BAIAP2: variants seen among roughly 807,000 people sequenced by gnomAD.
BAIAP2 encodes the protein BAR/IMD domain-containing adapter protein 2.
In BAIAP2, 18 loss-of-function variants were observed where a neutral mutation model predicts 63.0. That is an observed-to-expected ratio of 0.29 (90% CI 0.20 to 0.42). BAIAP2 has a LOEUF of 0.42. BAIAP2 is among the 10% of genes least tolerant of loss of function. The pLI is 1.00. For missense variants in BAIAP2, 610 were observed against 734.3 expected (o/e 0.83, Z 1.96); for synonymous variants, 386 against 307.6 (o/e 1.25, Z -2.67).
intron 3 of BAIAP2, among the ~76,000 whole-genome samples, chr17:81,071,380 C>G (rs1158715754): frequency 6.6e-6 from 1 of 152,180 alleles, no homozygotes; most frequent in African/African-American, 2.4e-5. Flanking sequence ...TGTTCGAGCC[C>G]TGCCCAGGTG....
At chr17:81,069,147 A>T (rs768812626) in intron 3 of BAIAP2, among the ~76,000 whole-genome samples, 1 of 152,210 alleles carries the variant, frequency 6.6e-6, no homozygotes, top group South Asian at 2.1e-4. Flanking sequence ...AACTTCTGGT[A>T]GCTCCGAATG....
intron 6 of BAIAP2, among the ~76,000 whole-genome samples, chr17:81,088,746 T>TG (rs2056176273): frequency 6.6e-6 from 1 of 152,228 alleles, no homozygotes; most frequent in Non-Finnish European, 1.5e-5. Context: ...TGTTCCATCG[T>TG]GTGGGTACCG....
chr17:81,077,622 A>T (rs538585312), intron 3 of BAIAP2, among the ~76,000 whole-genome samples: 16 of 151,934 alleles, frequency 1.1e-4, no homozygotes, highest in African/African-American at 3.9e-4. Context: ...TCTCAATTTT[A>T]AAAAAAGAGC....
At chr17:81,073,516 CT>C (rs1166066138) in intron 3 of BAIAP2, among the ~76,000 whole-genome samples, 1 of 152,182 alleles carries the variant, frequency 6.6e-6, no homozygotes, top group Non-Finnish European at 1.5e-5. Context: ...GCTGTTTATG[CT>C]CCATTTGGGA....
chr17:81,108,396 G>A, intron 12 of BAIAP2, 79 bp from the exon 13 acceptor site: 2 of 1,493,740 alleles, frequency 1.3e-6, no homozygotes, highest in Non-Finnish European at 1.9e-6. Context: ...ATCACCATTT[G>A]TGGGTGTGTA....
intron 5 of BAIAP2, among the ~76,000 whole-genome samples, chr17:81,086,128 A>C (rs1394469339): frequency 9.8e-6 from 1 of 101,778 alleles, no homozygotes; most frequent in South Asian, 3.6e-4. Context: ...TGAGGGTTTG[A>C]GGGTCACCTC....
chr17:81,102,949 C>T (rs1023241459), intron 7 of BAIAP2, among the ~76,000 whole-genome samples: 6 of 152,240 alleles, frequency 3.9e-5, no homozygotes, highest in Non-Finnish European at 7.3e-5. Flanking sequence ...GTGGCTTCCT[C>T]CTCCTTTGTC....
chr17:81,069,338 A>C (rs1197212011), intron 3 of BAIAP2, among the ~76,000 whole-genome samples: 1 of 152,202 alleles, frequency 6.6e-6, no homozygotes, highest in Non-Finnish European at 1.5e-5. Context: ...GCGGGCACAG[A>C]TAGTCCTGGA....
intron 1 of BAIAP2, among the ~76,000 whole-genome samples, chr17:81,037,536 G>A (rs2046445765): frequency 6.6e-6 from 1 of 152,266 alleles, no homozygotes; most frequent in Non-Finnish European, 1.5e-5. Flanking sequence ...CCCACATGGA[G>A]ACATAGTCAG....
At chr17:81,078,666 G>A (rs1003979810) in intron 3 of BAIAP2, among the ~76,000 whole-genome samples, 11 of 151,858 alleles carry the variant, frequency 7.2e-5, no homozygotes, top group African/African-American at 2.7e-4. Context: ...CTGTGGGTGC[G>A]GGTGCTGTCT....
intron 2 of BAIAP2, among the ~76,000 whole-genome samples, chr17:81,055,915 C>G (rs1038787044): frequency 6.6e-5 from 10 of 152,064 alleles, no homozygotes; most frequent in African/African-American, 2.4e-4. Context: ...TGGCAGTGAC[C>G]CCCGTCCCCC....
rs1452581518 is a variant in BAIAP2, at chr17:81,110,557, T to G, written c.1535+2048T>G. 4.3e-6 allele frequency: 5 copies of G among 1,153,496 alleles called. No individual in the cohort carries two copies. In the African/African-American group the frequency reaches 7.9e-5, roughly 18 times the overall value. 71.5% of individuals were successfully genotyped at this position (1,153,496 alleles called of 1,614,324 possible). Reference sequence around the variant, plus strand: ...CCTTCCGGTTCCCGGCGTGCGTCTTTGCCGTGGGGGCCCCGCCTTGTGCCC... The same window carrying G: ...CCTTCCGGTTCCCGGCGTGCGTCTTGGCCGTGGGGGCCCCGCCTTGTGCCC... On this transcript the variant is annotated intron_variant, in intron 13 of 13. Transcript: ENST00000428708.
At chr17:81,085,888 CT>C (rs748673085) in intron 5 of BAIAP2, among the ~76,000 whole-genome samples, 163 bp downstream of exon 5, 2 of 152,250 alleles carry the variant, frequency 1.3e-5, no homozygotes, top group Non-Finnish European at 2.9e-5. Flanking sequence ...CCGAGTGCCC[CT>C]GGTGTGCCCC....
At chr17:81,102,849 C>T (rs2058677755) in intron 7 of BAIAP2, among the ~76,000 whole-genome samples, 1 of 152,178 alleles carries the variant, frequency 6.6e-6, no homozygotes, top group Non-Finnish European at 1.5e-5. Context: ...CCTGCTTAGG[C>T]CAAATGGCCA....
intron 6 of BAIAP2, among the ~76,000 whole-genome samples, chr17:81,091,827 C>T (rs1598738678): frequency 1.3e-5 from 2 of 152,232 alleles, no homozygotes; most frequent in East Asian, 1.9e-4. Flanking sequence ...GAGGCCTTTC[C>T]CTTGGAGACC....
chr17:81,057,956 C>G lies in BAIAP2; in HGVS notation c.206C>G (p.Ser69Cys). 6.8e-7 allele frequency: 1 copy of G among 1,468,572 alleles called. No individual in the cohort carries two copies. The highest frequency in any genetic ancestry group is 2.1e-4 in the Middle Eastern group (1 of 4,794). 91.0% of individuals were successfully genotyped at this position (1,468,572 alleles called of 1,614,324 possible). A position where few individuals can be genotyped will look rare whatever the true frequency, so the allele number is the denominator to read the frequency against. Residue 69 changes from serine (S) to cysteine (C), a missense_variant, in exon 3 of 14, where the codon TCC (serine) becomes TGC (cysteine). By Grantham distance (112) the Ser-to-Cys change is moderately radical (BLOSUM62 -1). Coordinates refer to ENST00000428708, the MANE Select transcript of BAIAP2 (RefSeq NM_001144888.2). ...GAGCTGGCCAGCGAGAGCCAGGGCTCCAAAGAACTCGGTGAGACCCCCCCC... is the reference window on the plus strand; with the variant it reads ...GAGCTGGCCAGCGAGAGCCAGGGCTGCAAAGAACTCGGTGAGACCCCCCCC... ...MGELASESQGSKELGDVLFQM... is the reference protein window; with the variant it reads ...MGELASESQGCKELGDVLFQM...
chr17:81,109,073 C>T (rs1300804053), intron 13 of BAIAP2: 2 of 1,506,950 alleles, frequency 1.3e-6, no homozygotes, highest in Non-Finnish European at 8.9e-7. Flanking sequence ...TTTTCCTCCT[C>T]AGCTCTCGCT....
chr17:81,097,970 G>T (rs1045712962), intron 6 of BAIAP2: 1 of 535,538 alleles, frequency 1.9e-6, no homozygotes, highest in Admixed American at 4.4e-5. Context: ...CCCTCCCACT[G>T]TCGGGCTGGG....
In BAIAP2 at chr17:81,046,567, G is replaced by A. The variant is rs934659262; in HGVS notation, c.55-7101G>A. On this transcript the variant is annotated intron_variant, in intron 1 of 13. Coordinates refer to ENST00000428708, the MANE Select transcript of BAIAP2 (RefSeq NM_001144888.2). The surrounding 1 kb of genome is among the most constrained non-coding windows in gnomAD (Gnocchi z 4.5). ...CTGTGTGTGGGGTCAGCAGTGGCCC[G>A]CCCTGGAGGACGCTGCCACCTTCCC... is the stretch of plus-strand genomic sequence containing the variant. 2.6e-5 allele frequency among the ~76,000 whole-genome samples: 4 copies of A among 152,166 alleles called. No homozygotes were observed. The highest frequency in any genetic ancestry group is 2.1e-4 in the South Asian group (1 of 4,804).
Sources: allele counts gnomAD v4.1 joint callset (sites outside exome capture counted in the v4.1 genomes callset), GRCh38; gene constraint gnomAD v4.1.1; non-coding constraint Gnocchi (gnomAD v3.1); transcripts MANE v1.5; gene names NCBI Gene and HGNC (gene_info 2026-07-23, HGNC 2026-07-21).